DENND1B: variants seen among roughly 807,000 people sequenced by gnomAD.
The protein encoded by DENND1B is DENN domain-containing protein 1B.
Under a neutral mutation model 90.1 loss-of-function variants are expected in DENND1B, and 59 were observed. The ratio of observed to expected loss-of-function variants is 0.65; its 90% confidence interval spans 0.53 to 0.81. The LOEUF (loss-of-function observed/expected upper bound fraction) is 0.81, where lower values mean the gene tolerates loss of function less well. DENND1B is among the 40% of genes least tolerant of loss of function. The pLI is 0.00. For synonymous variants in DENND1B, 337 were observed against 324.6 expected (o/e 1.04, Z -0.41); for missense variants, 862 against 912.6 (o/e 0.94, Z 0.71).
intron 3 of DENND1B, among the ~76,000 whole-genome samples, chr1:197,689,278 G>A (rs999031304): frequency 1.3e-5 from 2 of 152,014 alleles, no homozygotes; most frequent in African/African-American, 4.8e-5. Flanking sequence ...AAAGTGAAAG[G>A]AGAACCTGTT....
intron 10 of DENND1B, among the ~76,000 whole-genome samples, chr1:197,626,729 T>A (rs530824481): frequency 1.9e-4 from 29 of 152,008 alleles, no homozygotes; most frequent in Non-Finnish European, 2.5e-4. Context: ...AAAAAATTAA[T>A]GAATCCAGGA....
At chr1:197,631,242 T>C (rs915937641) in intron 10 of DENND1B, among the ~76,000 whole-genome samples, 1 of 152,126 alleles carries the variant, frequency 6.6e-6, no homozygotes, top group Non-Finnish European at 1.5e-5. Flanking sequence ...AAAAATTACA[T>C]AATTTGGCAA....
At chr1:197,522,995 G>A (rs1286035891) in intron 20 of DENND1B, among the ~76,000 whole-genome samples, 4 of 152,212 alleles carry the variant, frequency 2.6e-5, no homozygotes, top group African/African-American at 7.2e-5. Flanking sequence ...TTTTCCATAT[G>A]TAAATTTCTT....
At chr1:197,641,299 G>C (rs1680249314) in intron 10 of DENND1B, among the ~76,000 whole-genome samples, 1 of 152,060 alleles carries the variant, frequency 6.6e-6, no homozygotes, top group Non-Finnish European at 1.5e-5. Context: ...TTTAAAAAAT[G>C]AGGAGGAGGA....
At chr1:197,670,151 T>C (rs987217864) in intron 5 of DENND1B, among the ~76,000 whole-genome samples, 2 of 152,182 alleles carry the variant, frequency 1.3e-5, no homozygotes, top group African/African-American at 4.8e-5. Context: ...TTTCAAGTAA[T>C]GATGGCTTTC....
intron 2 of DENND1B, among the ~76,000 whole-genome samples, chr1:197,757,693 T>C (rs1159821647): frequency 2.0e-5 from 3 of 152,202 alleles, no homozygotes; most frequent in African/African-American, 4.8e-5. Flanking sequence ...GGATAATTTC[T>C]GGACTTAAAT....
In DENND1B at chr1:197,611,257, C is replaced by T. The variant is rs951978871; in HGVS notation, c.819+674G>A. On this transcript the variant is annotated intron_variant, in intron 12 of 22. Transcript: ENST00000620048. ...ACTTTGTTTTAATTAAAGCCTTTTG[C>T]TTATTTTATTAGATGCTGATCCTAT... is the stretch of plus-strand genomic sequence containing the variant. Among the ~76,000 whole-genome samples, 15 of 150,838 alleles carry T rather than the reference C, an allele frequency of 9.9e-5. No individual in the cohort carries two copies. In the Admixed American group the frequency reaches 1.0e-3, roughly 10 times the overall value.
intron 10 of DENND1B, among the ~76,000 whole-genome samples, chr1:197,621,236 G>C (rs949875374): frequency 6.6e-6 from 1 of 151,296 alleles, no homozygotes; most frequent in Non-Finnish European, 1.5e-5. Flanking sequence ...CCTCTGAAGA[G>C]AGTGCTATCA....
chr1:197,512,846 T>C, intron 21 of DENND1B, 25 bp downstream of exon 21: 2 of 1,605,718 alleles, frequency 1.2e-6, no homozygotes, highest in African/African-American at 1.3e-5. Flanking sequence ...TTCCACTTAA[T>C]AGGACACCAA....
intron 2 of DENND1B, among the ~76,000 whole-genome samples, chr1:197,738,227 A>G (rs1662893598): frequency 6.6e-6 from 1 of 152,226 alleles, no homozygotes; most frequent in Non-Finnish European, 1.5e-5. Context: ...TTCATGACAA[A>G]TGATTTTGAA....
intron 12 of DENND1B, 54 bp from the exon 13 acceptor site, chr1:197,607,228 TATG>T: frequency 8.1e-7 from 1 of 1,242,142 alleles, no homozygotes; most frequent in Non-Finnish European, 1.1e-6. Context: ...TTTACAAAGT[TATG>T]ATGAGTTTGG....
At chr1:197,668,535 T>C (rs1655170383) in intron 5 of DENND1B, among the ~76,000 whole-genome samples, 1 of 151,898 alleles carries the variant, frequency 6.6e-6, no homozygotes, top group Non-Finnish European at 1.5e-5. Context: ...TACGTACTTA[T>C]TGCGTATACT....
chr1:197,518,052 G>A (rs1332624957), intron 20 of DENND1B, among the ~76,000 whole-genome samples: 1 of 151,814 alleles, frequency 6.6e-6, no homozygotes, highest in Non-Finnish European at 1.5e-5. Context: ...CCACCGTACA[G>A]TAGGCTTTTG....
intron 3 of DENND1B, among the ~76,000 whole-genome samples, chr1:197,678,076 G>T (rs1656274886): frequency 6.6e-6 from 1 of 152,122 alleles, no homozygotes; most frequent in Non-Finnish European, 1.5e-5. Context: ...TAGCCACAGG[G>T]TCATAAGCCA....
At chr1:197,728,853 T>C (rs1661891800) in intron 2 of DENND1B, among the ~76,000 whole-genome samples, 1 of 152,166 alleles carries the variant, frequency 6.6e-6, no homozygotes, top group Non-Finnish European at 1.5e-5. Flanking sequence ...AATTTTAACA[T>C]AACTCCATAT....
intron 2 of DENND1B, chr1:197,761,873 A>C (rs1305200213): frequency 6.6e-6 from 1 of 152,066 alleles, no homozygotes; most frequent in Non-Finnish European, 1.5e-5. Flanking sequence ...TTCTGCCTAC[A>C]AAGTTACAGT....
chr1:197,639,172 T>C (rs1680060118), intron 10 of DENND1B, among the ~76,000 whole-genome samples: 1 of 152,062 alleles, frequency 6.6e-6, no homozygotes, highest in Admixed American at 6.5e-5. Context: ...CAAGTGATTC[T>C]CTTGCCTCAG....
chr1:197,684,640 A>C (rs1396977781), intron 3 of DENND1B, among the ~76,000 whole-genome samples: 1 of 152,176 alleles, frequency 6.6e-6, no homozygotes, highest in Non-Finnish European at 1.5e-5. Context: ...TATTCCCTTG[A>C]AATTATACCG....
intron 2 of DENND1B, among the ~76,000 whole-genome samples, chr1:197,719,572 A>G (rs1236802325): frequency 6.6e-6 from 1 of 152,206 alleles, no homozygotes; most frequent in Non-Finnish European, 1.5e-5. Context: ...CACACAAAAA[A>G]GCTGTTGGAG....
Sources: allele counts gnomAD v4.1 joint callset (sites outside exome capture counted in the v4.1 genomes callset), GRCh38; gene constraint gnomAD v4.1.1; transcripts MANE v1.5; gene names NCBI Gene and HGNC (gene_info 2026-07-23, HGNC 2026-07-21).